The following NCOA2 variants were observed in gnomAD, a reference collection of about 807,000 sequenced individuals.
NCOA2 encodes the protein nuclear receptor coactivator 2, also known as class E basic helix-loop-helix protein 75.
A neutral mutation model predicts 145.1 loss-of-function variants in NCOA2; 21 were observed. The observed-to-expected ratio is 0.14, with a 90% CI of 0.10 to 0.21. The LOEUF (loss-of-function observed/expected upper bound fraction) is 0.21. Among genes scored for constraint, NCOA2 ranks in the 10% least tolerant of loss-of-function variants. NCOA2 has a pLI of 1.00. For synonymous variants in NCOA2, 619 were observed against 637.5 expected, an observed-to-expected ratio of 0.97 and a Z score of 0.44; for missense variants, 1,472 against 1,837.6, an observed-to-expected ratio of 0.80 and a Z score of 3.64.
At chr8:70,186,725 C>T (rs899579681) in intron 4 of NCOA2, among the ~76,000 whole-genome samples, 2 of 152,192 alleles carry the variant, frequency 1.3e-5, no homozygotes, top group African/African-American at 4.8e-5. Flanking sequence ...TATTGTGTAA[C>T]ATGCTCACTG....
At chr8:70,311,120 G>GT (rs890809968) in intron 1 of NCOA2, among the ~76,000 whole-genome samples, 15 of 150,150 alleles carry the variant, frequency 1.0e-4, no homozygotes, top group African/African-American at 2.2e-4. Context: ...TTATTTCCTA[G>GT]TTTTTTTTTA....
chr8:70,436,243 A>G, the NCOA2 span, among the ~76,000 whole-genome samples: 1 of 152,216 alleles, frequency 6.6e-6, no homozygotes, highest in South Asian at 2.1e-4. Flanking sequence ...CATTACCACA[A>G]TTCTAGATAA....
chr8:70,198,686 T>C (rs1014875452), intron 4 of NCOA2, among the ~76,000 whole-genome samples: 1 of 152,126 alleles, frequency 6.6e-6, no homozygotes, highest in Non-Finnish European at 1.5e-5. Context: ...CTGACTAAAT[T>C]GGCTGATTGT....
At chr8:70,148,535 C>A in intron 11 of NCOA2, 52 bp from the exon 12 acceptor site, 1 of 1,537,138 alleles carries the variant, frequency 6.5e-7, no homozygotes, top group Non-Finnish European at 8.9e-7. Context: ...GAGTAGACAC[C>A]ACAAGCCCAT....
At chr8:70,142,012 A>C (rs928866170) in intron 13 of NCOA2, among the ~76,000 whole-genome samples, 2 of 152,232 alleles carry the variant, frequency 1.3e-5, no homozygotes, top group African/African-American at 4.8e-5. Flanking sequence ...ATACAGACCT[A>C]GAATGGGTTA....
chr8:70,306,212 A>G (rs1028681560), intron 1 of NCOA2, among the ~76,000 whole-genome samples: 1 of 152,208 alleles, frequency 6.6e-6, no homozygotes, highest in East Asian at 1.9e-4. Flanking sequence ...TCAACTACTG[A>G]GTTTCACAGA....
chr8:70,142,459 G>T (rs1323643525), intron 13 of NCOA2, among the ~76,000 whole-genome samples: 1 of 152,192 alleles, frequency 6.6e-6, no homozygotes, highest in East Asian at 1.9e-4. Flanking sequence ...AGCACTTAGG[G>T]AGGCTGCGGT....
At chr8:70,274,924 G>T (rs1291104103) in intron 2 of NCOA2, among the ~76,000 whole-genome samples, 1 of 152,124 alleles carries the variant, frequency 6.6e-6, no homozygotes, top group Non-Finnish European at 1.5e-5. Context: ...AAACACTGAG[G>T]CATCATCTCC....
intron 1 of NCOA2, among the ~76,000 whole-genome samples, chr8:70,326,787 T>A (rs1806626501): frequency 6.6e-6 from 1 of 152,220 alleles, no homozygotes; most frequent in African/African-American, 2.4e-5. Context: ...ACAGAAAATG[T>A]AATGAGATAT....
At chr8:70,423,065 G>T in the NCOA2 span, among the ~76,000 whole-genome samples, 2 of 151,448 alleles carry the variant, frequency 1.3e-5, no homozygotes, top group Non-Finnish European at 2.9e-5. Flanking sequence ...CCTCCTGATT[G>T]GGATGTTCAT....
At chr8:70,398,414 T>G (rs1427994832) in intron 1 of NCOA2, among the ~76,000 whole-genome samples, 1 of 152,184 alleles carries the variant, frequency 6.6e-6, no homozygotes, top group African/African-American at 2.4e-5. Flanking sequence ...TGAGCTGTGA[T>G]CATGTCACTG....
chr8:70,375,356 A>G (rs1586630579), intron 1 of NCOA2, among the ~76,000 whole-genome samples: 1 of 152,198 alleles, frequency 6.6e-6, no homozygotes, highest in Non-Finnish European at 1.5e-5. Flanking sequence ...GAATTCTAAG[A>G]TGAAGAAAAG....
intron 2 of NCOA2, among the ~76,000 whole-genome samples, chr8:70,266,928 G>A (rs1232343820): frequency 6.6e-6 from 1 of 152,104 alleles, no homozygotes; most frequent in African/African-American, 2.4e-5. Context: ...TATTCCACAG[G>A]GCAATAACGT....
chr8:70,442,146 A>G, the NCOA2 span, among the ~76,000 whole-genome samples: 2 of 144,430 alleles, frequency 1.4e-5, no homozygotes, highest in African/African-American at 5.8e-5. Context: ...AAAGAAAGAA[A>G]GAAAGAAAGA....
At chr8:70,121,267 C>G in intron 22 of NCOA2, 35 bp downstream of exon 22, 1 of 1,545,444 alleles carries the variant, frequency 6.5e-7, no homozygotes, top group Non-Finnish European at 8.9e-7. Context: ...GTTTGCTTTA[C>G]TTCCATATTC....
intron 1 of NCOA2, among the ~76,000 whole-genome samples, chr8:70,347,292 C>A (rs548040748): frequency 2.0e-4 from 30 of 152,032 alleles, no homozygotes; most frequent in African/African-American, 7.0e-4. Context: ...CGAGACCAGC[C>A]GGGCCAACGT....
intron 4 of NCOA2, among the ~76,000 whole-genome samples, chr8:70,176,884 C>T (rs184851477): frequency 6.6e-6 from 1 of 152,198 alleles, no homozygotes; most frequent in Non-Finnish European, 1.5e-5. Context: ...CCTTAACAGT[C>T]CTTGTTGTAG....
At chr8:70,126,771 A>G in intron 19 of NCOA2, 42 bp downstream of exon 19, 1 of 1,526,166 alleles carries the variant, frequency 6.6e-7, no homozygotes, top group Non-Finnish European at 9.1e-7. Flanking sequence ...GACACTGGGG[A>G]GAAAGGACTG....
chr8:70,352,522 T>A (rs1809337569), intron 1 of NCOA2, among the ~76,000 whole-genome samples: 3 of 152,196 alleles, frequency 2.0e-5, no homozygotes, highest in African/African-American at 7.2e-5. Flanking sequence ...TTTCTGAAAT[T>A]ACTTGTGCAA....
Sources: gnomAD v4.1 joint callset for allele counts (sites outside exome capture counted in the v4.1 genomes callset) on GRCh38, gnomAD v4.1.1 for gene constraint, MANE v1.5 for transcripts, NCBI Gene and HGNC (gene_info 2026-07-23, HGNC 2026-07-21) for gene names.